Variants in GABRA2 observed in about 807,000 individuals in gnomAD.
GABRA2 encodes the protein gamma-aminobutyric acid receptor subunit alpha-2.
In GABRA2, 16 loss-of-function variants were observed where a neutral mutation model predicts 48.7. The observed-to-expected ratio is 0.33, with a 90% CI of 0.22 to 0.50. The LOEUF (loss-of-function observed/expected upper bound fraction) is 0.50. Ranked by LOEUF, GABRA2 falls within the 20% of genes least tolerant of loss-of-function variation. The pLI is 0.98. For synonymous variants in GABRA2, 185 were observed against 184.5 expected, an observed-to-expected ratio of 1.00 and a Z score of -0.02; for missense variants, 275 against 535.6, an observed-to-expected ratio of 0.51 and a Z score of 4.80.
chr4:46,271,866 C>A (rs1719399643), intron 8 of GABRA2, among the ~76,000 whole-genome samples: 2 of 151,802 alleles, frequency 1.3e-5, no homozygotes, highest in African/African-American at 2.4e-5. Context: ...ATATTGGCAT[C>A]AATGTGAAGC....
intron 4 of GABRA2, among the ~76,000 whole-genome samples, chr4:46,315,942 TAC>T (rs969052829): frequency 0.01 from 1,515 of 148,276 alleles, 15 homozygotes; most frequent in Middle Eastern, 0.027. Context: ...AGTACATATA[TAC>T]ACACACACAC....
At chr4:46,296,537 G>A (rs888875292) in intron 8 of GABRA2, among the ~76,000 whole-genome samples, 1 of 151,614 alleles carries the variant, frequency 6.6e-6, no homozygotes, top group African/African-American at 2.4e-5. Context: ...CCATTATGGT[G>A]TCTCTTAATA....
intron 3 of GABRA2, among the ~76,000 whole-genome samples, chr4:46,343,024 C>T (rs146960176): frequency 6.6e-6 from 1 of 151,874 alleles, no homozygotes; most frequent in Non-Finnish European, 1.5e-5. Flanking sequence ...ACTTTCTAAG[C>T]TTTTTTAAAA....
intron 3 of GABRA2, among the ~76,000 whole-genome samples, chr4:46,350,105 C>T (rs1405630192): frequency 6.6e-6 from 1 of 151,846 alleles, no homozygotes; most frequent in Non-Finnish European, 1.5e-5. Context: ...ATTTTATCAT[C>T]ATCCAAATTC....
Position 46,290,302 on chromosome 4 carries a change from G to GA in GABRA2, c.856+13157dup, listed in dbSNP as rs200669306. ...TTTGAGAACTAGTTTTTGAATTTCT[G>GA]AAAAAAAAAGCCATTGAATTTTCTA... On this transcript the variant is annotated intron_variant, in intron 8 of 9. Coordinates refer to ENST00000381620, the MANE Select transcript of GABRA2 (RefSeq NM_000807.4). Among the ~76,000 whole-genome samples the GA allele has an allele frequency of 3.5e-3, 516 of 148,602 alleles. 1 individual carries two copies. Among genetic ancestry groups the GA allele is most frequent in the African/African-American group, 0.011 (445 of 40,444 alleles).
At chr4:46,272,421 A>G (rs1440200990) in intron 8 of GABRA2, among the ~76,000 whole-genome samples, 6 of 152,026 alleles carry the variant, frequency 3.9e-5, no homozygotes, top group Non-Finnish European at 5.9e-5. Context: ...CAAGAAACCT[A>G]TACTTTCTTT....
intron 3 of GABRA2, among the ~76,000 whole-genome samples, chr4:46,379,063 A>G (rs893302529): frequency 6.6e-6 from 1 of 152,194 alleles, no homozygotes; most frequent in African/African-American, 2.4e-5. Context: ...ACTATTTCCT[A>G]AGAAGCCTAT....
At position 46,388,674 on chromosome 4, in the gene GABRA2, C is replaced by A. The variant is rs755558702; in HGVS notation, c.33G>T (p.Gln11His). 9.9e-6 allele frequency: 16 copies of A among 1,614,014 alleles called. No homozygotes were observed. The South Asian group carries it at 1.8e-4, about 18-fold the overall frequency. MKTKLNIYNM[Q>H]FLLFVFLVWD... Reference sequence around the variant, plus strand: ...ACACCAAGAAAACAAAAAGCAGGAACTGCATGTTGTAGATGTTCAATTTTG... The same window carrying A: ...ACACCAAGAAAACAAAAAGCAGGAAATGCATGTTGTAGATGTTCAATTTTG... Residue 11 changes from glutamine (Q) to histidine (H), a missense_variant, in exon 2 of 10, where the codon CAG (glutamine) becomes CAT (histidine). Around this residue, in one of 4 missense-constraint regions of GABRA2, gnomAD observed 39 missense variants for 40.5 expected, o/e 0.96. Transcript: ENST00000381620.
chr4:46,346,394 G>T (rs181510488), intron 3 of GABRA2, among the ~76,000 whole-genome samples: 91 of 151,654 alleles, frequency 6.0e-4, no homozygotes, highest in African/African-American at 2.1e-3. Context: ...GGCGGGAAGA[G>T]TTAAGAATAA....
Position 46,388,719 on chromosome 4 carries a change from T to C in GABRA2, c.-10-3A>G. ...ATTTTGTCTTCATCACCGCCGCTCT[T>C]TACAAAGCCATGGAATGAAAAACAA... On this transcript the variant is annotated splice_region_variant and splice_polypyrimidine_tract_variant and intron_variant, in intron 1 of 9. Transcript: ENST00000381620. The C allele has an allele frequency of 6.2e-7, 1 of 1,613,968 alleles. No individual in the cohort carries two copies. The highest frequency in any genetic ancestry group is 8.5e-7 in the Non-Finnish European group (1 of 1,179,984).
Position 46,383,985 on chromosome 4 carries a change from G to T in GABRA2, c.187+2089C>A, listed in dbSNP as rs542775720. 3.9e-5 allele frequency among the ~76,000 whole-genome samples: 6 copies of T among 152,254 alleles called. No individual in the cohort carries two copies. The East Asian group carries it at 1.2e-3, about 29-fold the overall frequency. The stretch of plus-strand genomic sequence containing the variant: ...AATTTAAGGGAGGAGAGAAAGAATT[G>T]ATATCATTGAAATGCCAATATGTAG... On this transcript the variant is annotated intron_variant, in intron 3 of 9. Coordinates refer to ENST00000381620, the MANE Select transcript of GABRA2 (RefSeq NM_000807.4).
At chr4:46,285,876 A>T (rs1722458048) in intron 8 of GABRA2, among the ~76,000 whole-genome samples, 1 of 152,028 alleles carries the variant, frequency 6.6e-6, no homozygotes, top group Non-Finnish European at 1.5e-5. Flanking sequence ...ATTTGAGAAG[A>T]TTCTTCTTAC....
Position 46,388,656 on chromosome 4 carries a change from G to T in GABRA2, c.51C>A (p.Phe17Leu), listed in dbSNP as rs1180984690. The T allele has an allele frequency of 6.2e-7, 1 of 1,613,800 alleles. No individual in the cohort carries two copies. The highest frequency in any genetic ancestry group is 1.3e-5 in the African/African-American group (1 of 74,872). Residue 17 changes from phenylalanine to leucine, a missense_variant, in exon 2 of 10, where the codon TTC (phenylalanine) becomes TTA (leucine). Physicochemically the swap from Phe to Leu is conservative, Grantham distance 22. Transcript: ENST00000381620. ...CTCACCTGGCAGGGTCCCACACCAA[G>T]AAAACAAAAAGCAGGAACTGCATGT... is the stretch of plus-strand genomic sequence containing the variant. The part of the protein sequence containing the change: ...IYNMQFLLFV[F>L]LVWDPARLVL...
intron 8 of GABRA2, among the ~76,000 whole-genome samples, chr4:46,276,211 T>C (rs1720479714): frequency 6.6e-6 from 1 of 151,976 alleles, no homozygotes; most frequent in Non-Finnish European, 1.5e-5. Context: ...AAAGAGTACG[T>C]TATGGAGAAA....
At chr4:46,256,381 GA>G in intron 9 of GABRA2, 1 of 595,768 alleles carries the variant, frequency 1.7e-6, no homozygotes. Context: ...GGGACTACAA[GA>G]AACATCAATA....
intron 1 of GABRA2, 88 bp from the exon 2 acceptor site, chr4:46,388,804 A>T: frequency 6.3e-7 from 1 of 1,585,532 alleles, no homozygotes; most frequent in Non-Finnish European, 8.6e-7. Flanking sequence ...ATATCCTTTT[A>T]GTTAGGGATT....
rs552145240 is a variant in GABRA2 at position 46,250,448 on chromosome 4, C to G, written c.1216G>C (p.Glu406Gln). ...PNKKPENKPA[E>Q]AKKTFNSVSK... ...ACACTGTTGAAAGTTTTCTTTGCTT[C>G]AGCTGGCTTGTTTTCTGGCTTCTTG... Residue 406 changes from glutamate (E) to glutamine (Q), a missense_variant, in exon 10 of 10, where the codon GAA becomes CAA. Physicochemically the swap from Glu to Gln is conservative, Grantham distance 29. Transcript: ENST00000381620. 1.9e-6 allele frequency: 3 copies of G among 1,612,078 alleles called. No homozygotes were observed. The East Asian group carries it at 6.7e-5, about 36-fold the overall frequency.
At chr4:46,345,234 G>C (rs1189519202) in intron 3 of GABRA2, among the ~76,000 whole-genome samples, 1 of 151,906 alleles carries the variant, frequency 6.6e-6, no homozygotes, top group Non-Finnish European at 1.5e-5. Context: ...GGGACTGTGA[G>C]TCAATTAAAC....
chr4:46,267,970 C>T, intron 8 of GABRA2, among the ~76,000 whole-genome samples: 1 of 151,770 alleles, frequency 6.6e-6, no homozygotes, highest in Non-Finnish European at 1.5e-5. Context: ...GTTCCAAAAT[C>T]CAAAAATATT....
Sources: gnomAD v4.1 joint callset for allele counts (sites outside exome capture counted in the v4.1 genomes callset) on GRCh38, gnomAD v4.1.1 for gene constraint, gnomAD v4.1.1 regional missense constraint, MANE v1.5 for transcripts, NCBI Gene and HGNC (gene_info 2026-07-23, HGNC 2026-07-21) for gene names.